The following ZNF536 variants were observed in gnomAD, a reference collection of about 807,000 sequenced individuals.
The protein encoded by ZNF536 is zinc finger protein 536.
ZNF536 carries 13 observed loss-of-function variants against 84.5 expected under a neutral mutation model. That is an observed-to-expected ratio of 0.15 (90% CI 0.10 to 0.24). ZNF536 has a LOEUF of 0.24. Among genes scored for constraint, ZNF536 ranks in the 10% least tolerant of loss-of-function variants. ZNF536 has a pLI of 1.00. For missense variants in ZNF536, 1,536 were observed against 1,747.5 expected, an observed-to-expected ratio of 0.88 and a Z score of 2.16; for synonymous variants, 811 against 742.5, an observed-to-expected ratio of 1.09 and a Z score of -1.50.
chr19:30,476,386 G>A (rs539274654), intron 2 of ZNF536, among the ~76,000 whole-genome samples: 27 of 152,272 alleles, frequency 1.8e-4, no homozygotes, highest in African/African-American at 6.5e-4. Flanking sequence ...CTTTTTTTAA[G>A]TAGGTAAACA....
chr19:30,622,076 A>G (rs1272507092), intron 1 of ZNF536, among the ~76,000 whole-genome samples: 2 of 152,110 alleles, frequency 1.3e-5, no homozygotes, highest in Non-Finnish European at 2.9e-5. Context: ...TGAAACGTCC[A>G]TTTCTCCTGC....
chr19:30,489,054 C>T (rs2054404956), intron 2 of ZNF536, among the ~76,000 whole-genome samples: 1 of 152,090 alleles, frequency 6.6e-6, no homozygotes, highest in African/African-American at 2.4e-5. Flanking sequence ...AGACCAGCCC[C>T]CTTGTGGAAT....
chr19:30,465,885 G>C (rs1234316793), intron 2 of ZNF536, among the ~76,000 whole-genome samples: 5 of 151,860 alleles, frequency 3.3e-5, no homozygotes, highest in African/African-American at 9.7e-5. Flanking sequence ...CGAGTAGCTG[G>C]GACTACAGGC....
chr19:30,562,678 T>G (rs2046215095), downstream of ZNF536, among the ~76,000 whole-genome samples: 1 of 152,128 alleles, frequency 6.6e-6, no homozygotes, highest in Non-Finnish European at 1.5e-5. Context: ...TGGATAAAAG[T>G]GCCTCCTGCT....
chr19:30,471,268 T>C (rs182697154), intron 2 of ZNF536, among the ~76,000 whole-genome samples: 6 of 152,320 alleles, frequency 3.9e-5, no homozygotes, highest in Admixed American at 2.0e-4. Flanking sequence ...CTTGGTCACC[T>C]GGCTGAGGTA....
chr19:30,395,030 T>A (rs1230815977), intron 1 of ZNF536, among the ~76,000 whole-genome samples: 1 of 152,228 alleles, frequency 6.6e-6, no homozygotes, highest in Admixed American at 6.5e-5. Flanking sequence ...CAGGGTTTAG[T>A]GTAATCCTTA....
chr19:30,509,024 G>C (rs1902861514), intron 2 of ZNF536, among the ~76,000 whole-genome samples: 1 of 150,196 alleles, frequency 6.7e-6, no homozygotes, highest in African/African-American at 2.4e-5. Context: ...TTGTTGAGAT[G>C]GGGTCTCATT....
chr19:30,411,425 G>A (rs931002174), intron 1 of ZNF536, among the ~76,000 whole-genome samples: 1 of 151,962 alleles, frequency 6.6e-6, no homozygotes, highest in Admixed American at 6.5e-5. Context: ...ACTTTATATG[G>A]CTTCATTTTA....
chr19:30,259,050 A>G (rs1295406348), intron 1 of ZNF536, among the ~76,000 whole-genome samples: 1 of 152,148 alleles, frequency 6.6e-6, no homozygotes, highest in Non-Finnish European at 1.5e-5. Context: ...TTGCATTCAA[A>G]TAAGTATAGC....
chr19:30,551,013 AT>A (rs899953413), intron 4 of ZNF536, among the ~76,000 whole-genome samples: 3 of 151,074 alleles, frequency 2.0e-5, no homozygotes, highest in African/African-American at 7.4e-5. Context: ...GTTAGTCCAA[AT>A]TTTTTCCCCT....
intron 2 of ZNF536, among the ~76,000 whole-genome samples, chr19:30,479,113 A>G (rs765245902): frequency 1.3e-5 from 2 of 152,192 alleles, no homozygotes; most frequent in Non-Finnish European, 2.9e-5. Flanking sequence ...GACCGCTCTT[A>G]TAAATACACC....
chr19:30,352,418 T>C (rs1600344469), exon 3 of ZNF536: 1 of 152,386 alleles, frequency 6.6e-6, no homozygotes, highest in East Asian at 1.9e-4. Context: ...ACCAACTTTA[T>C]CCTTTCTGGG....
At chr19:30,464,813 G>T (rs1332125831) in intron 2 of ZNF536, among the ~76,000 whole-genome samples, 1 of 152,012 alleles carries the variant, frequency 6.6e-6, no homozygotes, top group Admixed American at 6.6e-5. Context: ...GTCCATCAGG[G>T]TGGGGCTCCT....
chr19:30,464,334 G>T (rs915661347), intron 2 of ZNF536, among the ~76,000 whole-genome samples: 1 of 152,124 alleles, frequency 6.6e-6, no homozygotes, highest in South Asian at 2.1e-4. Context: ...TGGGGGTGTC[G>T]ACCAGAGCCT....
intron 1 of ZNF536, among the ~76,000 whole-genome samples, chr19:30,681,641 T>C (rs1000502819): frequency 6.6e-6 from 1 of 152,204 alleles, no homozygotes; most frequent in Non-Finnish European, 1.5e-5. Context: ...GTGGCGTTGA[T>C]CCTTTCTCTC....
rs116955163 is a variant in ZNF536 at position 30,361,974 on chromosome 19, C to T, written c.-3+9490C>T. Reference sequence around the variant, plus strand: ...ATTAGGTCAGCTTTGCAAATAGACACCACCAACTAAAAAAGGAGGCACATT... The same window carrying T: ...ATTAGGTCAGCTTTGCAAATAGACATCACCAACTAAAAAAGGAGGCACATT... On this transcript the variant is annotated intron_variant, in intron 3 of 5. Coordinates refer to the ZNF536 transcript ENST00000585628. Among the ~76,000 whole-genome samples, 6 of 152,298 alleles carry T rather than the reference C, an allele frequency of 3.9e-5. No individual in the cohort carries two copies. In the East Asian group the frequency reaches 1.2e-3, roughly 29 times the overall value.
At chr19:30,699,619 C>G (rs12974861) in intron 1 of ZNF536, among the ~76,000 whole-genome samples, 53,757 of 151,878 alleles carry the variant, frequency 0.35, 9,966 homozygotes, top group East Asian at 0.57. Context: ...TTTTTTTAAA[C>G]TATATGTGCA....
At chr19:30,314,682 C>G (rs1163725629) in intron 2 of ZNF536, among the ~76,000 whole-genome samples, 1 of 152,088 alleles carries the variant, frequency 6.6e-6, no homozygotes, top group Non-Finnish European at 1.5e-5. Flanking sequence ...CTGGGGAGGT[C>G]CCTTCTCTCC....
chr19:30,711,736 G>A (rs912815314), exon 2 of ZNF536: 1 of 151,966 alleles, frequency 6.6e-6, no homozygotes, highest in Non-Finnish European at 1.5e-5. Flanking sequence ...AGATCAAATT[G>A]TTCTCGGTAG....
Sources: allele counts gnomAD v4.1 joint callset (sites outside exome capture counted in the v4.1 genomes callset), GRCh38; gene constraint gnomAD v4.1.1; transcripts MANE v1.5; gene names NCBI Gene and HGNC (gene_info 2026-07-23, HGNC 2026-07-21).